Variants in ARMC3 observed in about 807,000 individuals in gnomAD.
The protein encoded by ARMC3 is armadillo repeat containing 3.
Under a neutral mutation model 90.3 loss-of-function variants are expected in ARMC3, and 74 were observed. The ratio of observed to expected loss-of-function variants is 0.82; its 90% CI spans 0.68 to 0.99. The LOEUF is 0.99. Ranked by LOEUF, ARMC3 falls within the 50% of genes least tolerant of loss-of-function variation. ARMC3 has a pLI of 0.00. For missense variants in ARMC3, 958 were observed against 1,042.8 expected (o/e 0.92, Z 1.12); for synonymous variants, 334 against 361.8 (o/e 0.92, Z 0.87).
intron 16 of ARMC3, among the ~76,000 whole-genome samples, chr10:23,022,377 T>A (rs1024872260): frequency 6.6e-6 from 1 of 152,196 alleles, no homozygotes; most frequent in Non-Finnish European, 1.5e-5. Context: ...CAGACTAGTT[T>A]TTCTTTGCTC....
intron 10 of ARMC3, among the ~76,000 whole-genome samples, chr10:22,994,222 G>A (rs1836848098): frequency 6.6e-6 from 1 of 152,208 alleles, no homozygotes; most frequent in African/African-American, 2.4e-5. Flanking sequence ...GGGGGAAGAG[G>A]ATGTCAGGAA....
intron 1 of ARMC3, among the ~76,000 whole-genome samples, chr10:22,929,294 G>A (rs914560890): frequency 9.6e-5 from 14 of 145,288 alleles, no homozygotes; most frequent in African/African-American, 3.7e-4. Context: ...AAGAGAGAGA[G>A]AAAGAGAAAG....
rs1433802289 is a variant in ARMC3, at chr10:23,001,990, C to G, written c.1497C>G (p.His499Gln). 7 of 1,613,798 alleles carry G rather than the reference C, an allele frequency of 4.3e-6. No homozygotes were observed. The highest frequency in any genetic ancestry group is 1.1e-5 in the South Asian group (1 of 91,078). The change falls in exon 12 of 19, where the codon CAC (histidine) becomes CAG (glutamine). Residue 499 changes from histidine to glutamine, a missense_variant. Transcript: ENST00000298032. The part of the protein sequence containing the change: ...LRSKNDEVRK[H>Q]ASWAVMVCAG... ...CCAAGAATGATGAAGTGAGGAAGCACGCCAGTTGGGCAGTGATGGTCTGTG... is the reference window on the plus strand; with the variant it reads ...CCAAGAATGATGAAGTGAGGAAGCAGGCCAGTTGGGCAGTGATGGTCTGTG...
chr10:22,930,424 T>TAATTTCAAATACA (rs1833881336), intron 1 of ARMC3, among the ~76,000 whole-genome samples: 1 of 152,244 alleles, frequency 6.6e-6, no homozygotes, highest in South Asian at 2.1e-4. Flanking sequence ...GATTGCTGAG[T>TAATTTCAAATACA]AATTTCAAAT....
At chr10:22,998,552 G>A (rs1412875560) in intron 11 of ARMC3, among the ~76,000 whole-genome samples, 155 bp downstream of exon 11, 1 of 152,144 alleles carries the variant, frequency 6.6e-6, no homozygotes, top group East Asian at 1.9e-4. Flanking sequence ...GTCTTGTCTT[G>A]TTTGTTTAAT....
At chr10:22,994,413 G>A (rs1836860868) in intron 10 of ARMC3, among the ~76,000 whole-genome samples, 1 of 152,146 alleles carries the variant, frequency 6.6e-6, no homozygotes, top group African/African-American at 2.4e-5. Context: ...AAATTTGGGG[G>A]TAGGCCAGGC....
chr10:23,025,505 A>G (rs775795148), intron 16 of ARMC3, among the ~76,000 whole-genome samples: 6 of 152,162 alleles, frequency 3.9e-5, no homozygotes, highest in Non-Finnish European at 8.8e-5. Flanking sequence ...TCCATGGGAC[A>G]TAAAAGGACA....
chr10:23,024,901 C>T (rs1003998305), intron 16 of ARMC3, among the ~76,000 whole-genome samples: 1 of 152,046 alleles, frequency 6.6e-6, no homozygotes, highest in Non-Finnish European at 1.5e-5. Context: ...AAAGGATGGA[C>T]AAAAATACCA....
At position 23,011,007 on chromosome 10, in the gene ARMC3, T is replaced by C. The variant is rs553609815; in HGVS notation, c.2045+2076T>C. On this transcript the variant is annotated intron_variant, in intron 16 of 18. Transcript: ENST00000298032. Reference sequence around the variant, plus strand: ...TCCCTTTTCTCCTCTCTCCTTCCCTTCCCTCCTCTCTCCTTCCCTTCCCTC... The same window carrying C: ...TCCCTTTTCTCCTCTCTCCTTCCCTCCCCTCCTCTCTCCTTCCCTTCCCTC... Among the ~76,000 whole-genome samples, 76 of 138,836 alleles carry C rather than the reference T, an allele frequency of 5.5e-4. No individual in the cohort carries two copies. In the Middle Eastern group the frequency reaches 0.016, roughly 29 times the overall value. 91.1% of individuals were successfully genotyped at this position (138,836 alleles called of 152,430 possible). A position where few individuals can be genotyped will look rare whatever the true frequency, so the allele number is the denominator to read the frequency against.
intron 8 of ARMC3, 49 bp downstream of exon 8, chr10:22,968,538 T>G: frequency 1.4e-6 from 2 of 1,476,206 alleles, no homozygotes; most frequent in South Asian, 2.8e-5. Context: ...CTTGCTCTGT[T>G]TCTCAGGCTG....
chr10:22,999,904 C>T (rs770107019), intron 11 of ARMC3, among the ~76,000 whole-genome samples: 1 of 152,182 alleles, frequency 6.6e-6, no homozygotes, highest in Non-Finnish European at 1.5e-5. Context: ...CCAAGTACTG[C>T]GTGCCAGGTG....
intron 3 of ARMC3, among the ~76,000 whole-genome samples, chr10:22,952,278 T>C (rs1452955859): frequency 6.6e-6 from 1 of 151,912 alleles, no homozygotes; most frequent in Non-Finnish European, 1.5e-5. Context: ...TCAATAAAAA[T>C]GATAAACCTC....
At chr10:22,992,423 GC>G (rs201796735) in intron 10 of ARMC3, among the ~76,000 whole-genome samples, 3 of 151,158 alleles carry the variant, frequency 2.0e-5, no homozygotes, top group Admixed American at 6.6e-5. Context: ...CTAGCATTTT[GC>G]GGGGGGCATT....
chr10:23,032,454 T>C (rs989902300), intron 17 of ARMC3, among the ~76,000 whole-genome samples: 1 of 152,232 alleles, frequency 6.6e-6, no homozygotes, highest in African/African-American at 2.4e-5. Flanking sequence ...GAGTTTAAAT[T>C]CCTTGAAAGA....
intron 3 of ARMC3, among the ~76,000 whole-genome samples, chr10:22,952,357 C>CT (rs1333583500): frequency 6.6e-6 from 1 of 152,054 alleles, no homozygotes; most frequent in Non-Finnish European, 1.5e-5. Context: ...GAAGGGACAT[C>CT]ACTAGAGATC....
At chr10:22,976,787 G>C (rs1189492529) in intron 8 of ARMC3, among the ~76,000 whole-genome samples, 2 of 152,190 alleles carry the variant, frequency 1.3e-5, no homozygotes, top group African/African-American at 2.4e-5. Flanking sequence ...ACTTTGGGGA[G>C]TGTTAAGTTT....
At chr10:22,962,123 C>A in intron 7 of ARMC3, 45 bp downstream of exon 7, 1 of 1,350,186 alleles carries the variant, frequency 7.4e-7, no homozygotes, top group Non-Finnish European at 9.8e-7. Flanking sequence ...AAATGTATCT[C>A]TCCCAAATGT....
At chr10:22,949,184 G>GA (rs1319748853) in intron 3 of ARMC3, among the ~76,000 whole-genome samples, 1 of 151,874 alleles carries the variant, frequency 6.6e-6, no homozygotes, top group Non-Finnish European at 1.5e-5. Context: ...ATTTGTCCCT[G>GA]AAAAAAATCT....
intron 10 of ARMC3, among the ~76,000 whole-genome samples, chr10:22,996,517 A>G (rs1287337718): frequency 6.6e-6 from 1 of 152,196 alleles, no homozygotes; most frequent in Non-Finnish European, 1.5e-5. Flanking sequence ...TTAAATGTAC[A>G]AGGACTGGAG....
Sources: allele counts gnomAD v4.1 joint callset (sites outside exome capture counted in the v4.1 genomes callset), GRCh38; gene constraint gnomAD v4.1.1; transcripts MANE v1.5; gene names NCBI Gene and HGNC (gene_info 2026-07-23, HGNC 2026-07-21).